Variants in RALGPS1 observed in about 807,000 individuals in gnomAD.
RALGPS1 encodes the protein ras-specific guanine nucleotide-releasing factor RalGPS1.
Under a neutral mutation model 78.8 loss-of-function variants are expected in RALGPS1, and 19 were observed. The observed-to-expected ratio is 0.24, with a 90% CI of 0.17 to 0.35. The LOEUF (loss-of-function observed/expected upper bound fraction) is 0.35, where lower values mean the gene tolerates loss of function less well. RALGPS1 is among the 10% of genes least tolerant of loss of function. The pLI, the probability that RALGPS1 is intolerant of heterozygous loss-of-function variation, is 1.00. For missense variants in RALGPS1, 454 were observed against 688.3 expected, an observed-to-expected ratio of 0.66 and a Z score of 3.81; for synonymous variants, 228 against 256.3, an observed-to-expected ratio of 0.89 and a Z score of 1.06.
intron 11 of RALGPS1, among the ~76,000 whole-genome samples, chr9:127,186,434 C>T (rs748481579): frequency 2.0e-5 from 3 of 152,250 alleles, no homozygotes; most frequent in African/African-American, 4.8e-5. Flanking sequence ...ACCACCCACA[C>T]CCTTGCCCCT....
intron 5 of RALGPS1, among the ~76,000 whole-genome samples, chr9:127,037,174 C>G (rs868004732): frequency 1.3e-5 from 2 of 152,308 alleles, no homozygotes; most frequent in Middle Eastern, 6.8e-3. Context: ...TCCATGTAAG[C>G]TTAAACAAAG....
intron 8 of RALGPS1, among the ~76,000 whole-genome samples, chr9:127,126,778 A>G (rs765545165): frequency 1.3e-5 from 2 of 152,182 alleles, no homozygotes; most frequent in Non-Finnish European, 2.9e-5. Flanking sequence ...AATCCTGTGC[A>G]TGTTTATAAT....
chr9:127,049,991 TAAC>T (rs1352100206), intron 5 of RALGPS1, 49 bp from the exon 6 acceptor site: 1 of 1,374,918 alleles, frequency 7.3e-7, no homozygotes, highest in African/African-American at 1.4e-5. Context: ...GTCCAGCAAT[TAAC>T]AACTTTTCTG....
At position 126,974,530 on chromosome 9, in the gene RALGPS1, A is replaced by C. The variant is rs191161379; in HGVS notation, c.166-3165A>C. On this transcript the variant is annotated intron_variant, in intron 3 of 18. Coordinates refer to ENST00000259351, the MANE Select transcript of RALGPS1 (RefSeq NM_014636.3). Reference sequence around the variant, plus strand: ...AAATACTACATTTAACATATGCAAAAAACTTTTTTTTTTCCTTTTGGCTAA... The same window carrying C: ...AAATACTACATTTAACATATGCAAACAACTTTTTTTTTTCCTTTTGGCTAA... Among the ~76,000 whole-genome samples, 7 of 145,856 alleles carry C rather than the reference A, an allele frequency of 4.8e-5. No homozygotes were observed. In the East Asian group the frequency reaches 1.7e-3, roughly 35 times the overall value.
At position 127,049,975 on chromosome 9, in the gene RALGPS1, C is replaced by T. The variant is rs955106553; in HGVS notation, c.301-68C>T. On this transcript the variant is annotated intron_variant, in intron 5 of 18. Coordinates refer to ENST00000259351, the MANE Select transcript of RALGPS1 (RefSeq NM_014636.3). Reference sequence around the variant, plus strand: ...ATAACAGCGGTGGGCAAGGGGGACACGGGTGGTCCAGCAATTAACAACTTT... The same window carrying T: ...ATAACAGCGGTGGGCAAGGGGGACATGGGTGGTCCAGCAATTAACAACTTT... The T allele has an allele frequency of 1.3e-4, 150 of 1,149,118 alleles. 5 individuals are homozygous for T. Among genetic ancestry groups the T allele is most frequent in the South Asian group, 1.0e-3 (84 of 80,990 alleles). The allele number at this position is 1,149,118 out of a possible 1,614,324, so 71.2% of individuals were successfully genotyped here.
At position 127,221,143 on chromosome 9, in the gene RALGPS1, C is replaced by T. The variant is rs1487764926; in HGVS notation, c.*2374C>T. 6.6e-6 allele frequency: 1 copy of T among 152,200 alleles called. No individual in the cohort carries two copies. Among genetic ancestry groups the T allele is most frequent in the African/African-American group, 2.4e-5 (1 of 41,444 alleles). The allele number at this position is 152,200 out of a possible 1,614,324, so 9.4% of individuals were successfully genotyped here. On this transcript the variant is annotated 3_prime_UTR_variant, in exon 19 of 19. Coordinates refer to ENST00000259351, the MANE Select transcript of RALGPS1 (RefSeq NM_014636.3). ...AGACACTCAGCTCTCTAAGCAGGGG[C>T]TCGGCCAAACATGGGAGTTAAGTGC...
intron 7 of RALGPS1, among the ~76,000 whole-genome samples, chr9:127,064,725 C>T (rs1313483775): frequency 6.6e-6 from 1 of 152,218 alleles, no homozygotes; most frequent in Admixed American, 6.5e-5. Context: ...ACACATTCAT[C>T]ATTATAGTGA....
chr9:127,165,389 T>C (rs529316979), intron 8 of RALGPS1, among the ~76,000 whole-genome samples: 1 of 152,392 alleles, frequency 6.6e-6, no homozygotes, highest in South Asian at 2.1e-4. Flanking sequence ...CCCCGGCTTA[T>C]CACTGGCCTG....
chr9:127,042,969 T>G (rs956616541), intron 5 of RALGPS1, among the ~76,000 whole-genome samples: 1 of 152,136 alleles, frequency 6.6e-6, no homozygotes, highest in Non-Finnish European at 1.5e-5. Context: ...ACAAAATATG[T>G]ACAGGTTCTG....
chr9:127,089,041 G>C (rs755576176), intron 8 of RALGPS1: 1 of 1,614,210 alleles, frequency 6.2e-7, no homozygotes, highest in Non-Finnish European at 8.5e-7. Flanking sequence ...CCTGGTAGCG[G>C]CTCCGGTAAT....
Position 127,221,681 on chromosome 9 carries a change from G to A in RALGPS1, c.*2912G>A, listed in dbSNP as rs1588634654. On this transcript the variant is annotated 3_prime_UTR_variant, in exon 19 of 19. Coordinates refer to ENST00000259351, the MANE Select transcript of RALGPS1 (RefSeq NM_014636.3). ...GTGGAACCTGAGGAAGTAGATACTT[G>A]AAGAGATTCTGTTTAGGAAGAAACT... The A allele has an allele frequency of 1.3e-5, 2 of 152,312 alleles. No individual in the cohort carries two copies. Among genetic ancestry groups the A allele is most frequent in the South Asian group, 4.2e-4 (2 of 4,812 alleles). 9.4% of individuals were successfully genotyped at this position (152,312 alleles called of 1,614,324 possible).
chr9:127,212,698 G>C lies in RALGPS1; in HGVS notation c.1425G>C (p.Leu475Phe). The C allele has an allele frequency of 6.2e-7, 1 of 1,613,116 alleles. No individual in the cohort carries two copies. The highest frequency in any genetic ancestry group is 8.5e-7 in the Non-Finnish European group (1 of 1,179,158). ...STLLYYGAKS[L>F]RGTDRKHYKS... ...TCCTGTACTACGGAGCCAAGTCCTT[G>C]CGGGGCACAGACAGAAAACACGTAA... The change falls in exon 16 of 19, where the codon TTG becomes TTC. Residue 475 changes from leucine to phenylalanine, a missense_variant. By Grantham distance (22) the Leu-to-Phe change is conservative. Transcript: ENST00000259351. The surrounding 1 kb of genome is among the most constrained non-coding windows in gnomAD (Gnocchi z 6.0).
intron 1 of RALGPS1, among the ~76,000 whole-genome samples, chr9:126,947,371 T>C (rs1308248154): frequency 1.3e-5 from 2 of 152,230 alleles, no homozygotes; most frequent in Non-Finnish European, 2.9e-5. Context: ...AATCTGAGAC[T>C]CTTTGAGTGC....
chr9:127,051,985 C>T (rs144523318), intron 6 of RALGPS1, among the ~76,000 whole-genome samples: 13 of 152,290 alleles, frequency 8.5e-5, no homozygotes, highest in African/African-American at 3.1e-4. Context: ...TTGTACTGAG[C>T]TCCTGCCCTG....
At chr9:126,920,473 A>T (rs1394890784) in intron 1 of RALGPS1, among the ~76,000 whole-genome samples, 1 of 152,200 alleles carries the variant, frequency 6.6e-6, no homozygotes, top group African/African-American at 2.4e-5. Flanking sequence ...TGAGCTGCTC[A>T]TGCTTGCTGA....
chr9:126,915,063 C>G (rs1162025533), intron 1 of RALGPS1, 88 bp downstream of exon 1: 1 of 141,864 alleles, frequency 7.0e-6, no homozygotes, highest in Non-Finnish European at 1.6e-5. Flanking sequence ...GCCCTGAGGC[C>G]GGGCCTGAGG....
chr9:126,938,652 T>C (rs1168395652), intron 1 of RALGPS1, among the ~76,000 whole-genome samples: 2 of 152,220 alleles, frequency 1.3e-5, no homozygotes, highest in Non-Finnish European at 2.9e-5. Flanking sequence ...AATAAGGATA[T>C]GTTTTCAAAG....
intron 4 of RALGPS1, among the ~76,000 whole-genome samples, chr9:127,007,947 C>G (rs185267317): frequency 6.6e-6 from 1 of 152,100 alleles, no homozygotes; most frequent in Non-Finnish European, 1.5e-5. Context: ...AGAGACTTTC[C>G]TGTGGTCTAG....
At chr9:127,175,304 A>G (rs2059797975) in intron 11 of RALGPS1, among the ~76,000 whole-genome samples, 1 of 152,126 alleles carries the variant, frequency 6.6e-6, no homozygotes, top group Admixed American at 6.5e-5. Flanking sequence ...TGGCTTTGTC[A>G]CTTTACCTGT....
Sources: gnomAD v4.1 joint callset for allele counts (sites outside exome capture counted in the v4.1 genomes callset) on GRCh38, gnomAD v4.1.1 for gene constraint, Gnocchi (gnomAD v3.1) non-coding constraint, MANE v1.5 for transcripts, NCBI Gene and HGNC (gene_info 2026-07-23, HGNC 2026-07-21) for gene names.